Variants in SLURP2 observed in about 807,000 individuals in gnomAD.
SLURP2 encodes secreted Ly-6/uPAR domain-containing protein 2.
A neutral mutation model predicts 9.8 loss-of-function variants in SLURP2; 4 were observed. The observed-to-expected ratio is 0.41, with a 90% CI of 0.20 to 0.94. The LOEUF is 0.94. SLURP2 is among the 40% of genes least tolerant of loss of function. SLURP2 has a pLI of 0.32. For missense variants in SLURP2, 118 were observed against 126.4 expected (o/e 0.93, Z 0.32); for synonymous variants, 58 against 56.2 (o/e 1.03, Z -0.15).
At position 142,764,499 on chromosome 8, in the gene SLURP2, G is replaced by C. The variant is rs1454176097; in HGVS notation, c.*106C>G. 1.7e-6 allele frequency: 2 copies of C among 1,174,816 alleles called. No individual in the cohort carries two copies. Among genetic ancestry groups the C allele is most frequent in the Admixed American group, 4.3e-5 (2 of 46,622 alleles). The allele number at this position is 1,174,816 out of a possible 1,614,324, so 72.8% of individuals were successfully genotyped here. On this transcript the variant is annotated 3_prime_UTR_variant, in exon 3 of 3. Coordinates refer to ENST00000317543, the MANE Select transcript of SLURP2 (RefSeq NM_177458.3). ...GCTGGACGGTGGCTGCAGAGGCCGG[G>C]AGAGGTGGGCTGGCCAGTCTCGAGG...
intron 1 of SLURP2, among the ~76,000 whole-genome samples, chr8:142,767,179 G>A (rs1379177861): frequency 1.6e-4 from 24 of 152,224 alleles, no homozygotes; most frequent in Admixed American, 1.6e-3. Flanking sequence ...CCTCCATCGA[G>A]GCACCACGGA....
Position 142,764,738 on chromosome 8 carries a change from A to G in SLURP2, c.161T>C (p.Val54Ala). 3 of 1,612,868 alleles carry G rather than the reference A, an allele frequency of 1.9e-6. No homozygotes were observed. Among genetic ancestry groups the G allele is most frequent in the Non-Finnish European group, 2.5e-6 (3 of 1,179,630 alleles). ...STHCVTTATRVLSNTEDLPLV... is the reference protein window; with the variant it reads ...STHCVTTATRALSNTEDLPLV... Reference sequence around the variant, plus strand: ...AGGCAAATCCTCGGTGTTGCTGAGGACCCCTGAGTGGGCAGGAGAGAAACC... The same window carrying G: ...AGGCAAATCCTCGGTGTTGCTGAGGGCCCCTGAGTGGGCAGGAGAGAAACC... Residue 54 changes from valine to alanine, a missense_variant, in exon 3 of 3, where the codon GTC (valine) becomes GCC (alanine). Physicochemically the swap from Val to Ala is moderately conservative, Grantham distance 64. Transcript: ENST00000317543.
intron 1 of SLURP2, among the ~76,000 whole-genome samples, chr8:142,767,048 G>A (rs989791267): frequency 2.0e-5 from 3 of 152,226 alleles, no homozygotes; most frequent in African/African-American, 7.2e-5. Flanking sequence ...CTCCAAACCC[G>A]GGTTCCTGAC....
chr8:142,769,440 G>T (rs13276915), intron 1 of SLURP2, among the ~76,000 whole-genome samples: 10 of 149,644 alleles, frequency 6.7e-5, no homozygotes, highest in Admixed American at 4.6e-4. Flanking sequence ...GTGTGCACGT[G>T]CACGAAGGTG....
chr8:142,765,429 G>A (rs1814971378), intron 1 of SLURP2, among the ~76,000 whole-genome samples: 1 of 151,088 alleles, frequency 6.6e-6, no homozygotes. Context: ...TCCCAGGGCA[G>A]TGGTGGTGCA....
At position 142,768,517 on chromosome 8, in the gene SLURP2, AGAAG is replaced by A. The variant is rs1456099628; in HGVS notation, c.52+1234_52+1237del. On this transcript the variant is annotated intron_variant, in intron 1 of 2. Transcript: ENST00000317543. The surrounding 1 kb of genome is among the most constrained non-coding windows in gnomAD (Gnocchi z 4.8). Reference sequence around the variant, plus strand: ...CTCGAGGGGCAGGTGGGATTTCAGCAGAAGGAAGGGCTCCAGGAGCCCTGGTGCA... The same window carrying A: ...CTCGAGGGGCAGGTGGGATTTCAGCAGAAGGGCTCCAGGAGCCCTGGTGCA... 6.6e-6 allele frequency among the ~76,000 whole-genome samples: 1 copy of A among 152,082 alleles called. No homozygotes were observed. Among genetic ancestry groups the A allele is most frequent in the Non-Finnish European group, 1.5e-5 (1 of 67,988 alleles).
intron 2 of SLURP2, 111 bp downstream of exon 2, chr8:142,764,925 A>T: frequency 8.7e-7 from 1 of 1,144,662 alleles, no homozygotes; most frequent in Admixed American, 2.0e-5. Context: ...GACACTCCCC[A>T]CTATGCTTCT....
rs1057372510 is a variant in SLURP2, at chr8:142,768,865, G to A, written c.52+890C>T. ...CCTGAGCCAGCGCCAGGGACTCACC[G>A]ACGCTCCACCCCCTGCTCATTCAGG... On this transcript the variant is annotated intron_variant, in intron 1 of 2. Coordinates refer to ENST00000317543, the MANE Select transcript of SLURP2 (RefSeq NM_177458.3). This position sits in a 1 kb window ranked among gnomAD's most constrained non-coding sequence, Gnocchi z 4.8. 9.9e-5 allele frequency among the ~76,000 whole-genome samples: 15 copies of A among 152,114 alleles called. No homozygotes were observed. Among genetic ancestry groups the A allele is most frequent in the Admixed American group, 3.3e-4 (5 of 15,284 alleles).
At chr8:142,765,387 G>A (rs1814969357) in intron 1 of SLURP2, among the ~76,000 whole-genome samples, 1 of 152,166 alleles carries the variant, frequency 6.6e-6, no homozygotes, top group African/African-American at 2.4e-5. Context: ...GGGCAAGGGT[G>A]GGGCCGGGCA....
In SLURP2 at chr8:142,764,348, C is replaced by G; in HGVS notation, c.*257G>C. On this transcript the variant is annotated 3_prime_UTR_variant, in exon 3 of 3. Coordinates refer to ENST00000317543, the MANE Select transcript of SLURP2 (RefSeq NM_177458.3). ...CTCTCACTGCATAGCTTGTACCACA[C>G]GATCCAATCACATTTTATTGTGGGG... 1 of 619,292 alleles carries G rather than the reference C, an allele frequency of 1.6e-6. No homozygotes were observed. Among genetic ancestry groups the G allele is most frequent in the Non-Finnish European group, 2.9e-6 (1 of 346,462 alleles). 38.4% of individuals were successfully genotyped at this position (619,292 alleles called of 1,614,324 possible). A position where few individuals can be genotyped will look rare whatever the true frequency, so the allele number is the denominator to read the frequency against.
rs756501672 is a variant in SLURP2 at position 142,764,554 on chromosome 8, C to T, written c.*51G>A. 11 of 1,578,452 alleles carry T rather than the reference C, an allele frequency of 7.0e-6. No individual in the cohort carries two copies. The African/African-American group carries it at 1.1e-4, about 16-fold the overall frequency. ...GGCAGCTGTGAGCCCTGGCGCCAGG[C>T]TGTGGGGGCTGTGGGGGCTGAGCGT... On this transcript the variant is annotated 3_prime_UTR_variant, in exon 3 of 3. Transcript: ENST00000317543.
intron 1 of SLURP2, 148 bp from the exon 2 acceptor site, chr8:142,765,288 G>C: frequency 4.7e-6 from 3 of 644,562 alleles, no homozygotes; most frequent in South Asian, 3.8e-5. Flanking sequence ...AGCCCTCTCA[G>C]GAGCTGGGCC....
chr8:142,764,653 G>GGGGCCC lies in SLURP2; in HGVS notation c.240_245dup (p.Gly81_Pro82dup). The GGGGCCC allele has an allele frequency of 1.9e-6, 3 of 1,610,246 alleles. No individual in the cohort carries two copies. The highest frequency in any genetic ancestry group is 1.7e-6 in the Non-Finnish European group (2 of 1,178,862). On this transcript the variant is annotated inframe_insertion, in exon 3 of 3. Coordinates refer to ENST00000317543, the MANE Select transcript of SLURP2 (RefSeq NM_177458.3). ...TCTGGCAGCAAGCGATGGATACGTAGGGGCCCAGGCCCAGGCTGGGGATAT... is the reference window on the plus strand; with the variant it reads ...TCTGGCAGCAAGCGATGGATACGTAGGGGCCCGGGCCCAGGCCCAGGCTGGGGATAT...
At chr8:142,764,996 G>A (rs773831967) in intron 2 of SLURP2, 40 bp downstream of exon 2, 33 of 1,530,702 alleles carry the variant, frequency 2.2e-5, no homozygotes, top group Non-Finnish European at 2.9e-5. Context: ...TCCCACCTGG[G>A]CAAGAAGGAC....
Position 142,768,312 on chromosome 8 carries a change from G to T in SLURP2, c.52+1443C>A, listed in dbSNP as rs1192238037. ...GGGTGTAGCTGCATGGCTGGGGGCA[G>T]GTCTCTCCCACTGGGGACCCCCGTG... On this transcript the variant is annotated intron_variant, in intron 1 of 2. Transcript: ENST00000317543. This position sits in a 1 kb window ranked among gnomAD's most constrained non-coding sequence, Gnocchi z 4.8. Among the ~76,000 whole-genome samples the T allele has an allele frequency of 6.6e-6, 1 of 152,036 alleles. No homozygotes were observed. Among genetic ancestry groups the T allele is most frequent in the Non-Finnish European group, 1.5e-5 (1 of 67,988 alleles).
chr8:142,767,228 C>A (rs1815034242), intron 1 of SLURP2, among the ~76,000 whole-genome samples: 1 of 152,222 alleles, frequency 6.6e-6, no homozygotes, highest in African/African-American at 2.4e-5. Context: ...CAGGGCAGGC[C>A]CCTGCCATCA....
At position 142,764,409 on chromosome 8, in the gene SLURP2, C is replaced by CCCCA; in HGVS notation, c.*192_*195dup. On this transcript the variant is annotated 3_prime_UTR_variant, in exon 3 of 3. Coordinates refer to ENST00000317543, the MANE Select transcript of SLURP2 (RefSeq NM_177458.3). ...CTGAAGGGGCGGCAGGCACGATGGGCCCCAGGCTTGGACGGCAGCAGATTG... is the reference window on the plus strand; with the variant it reads ...CTGAAGGGGCGGCAGGCACGATGGGCCCCACCCAGGCTTGGACGGCAGCAGATTG... 1.4e-6 allele frequency: 1 copy of CCCCA among 694,422 alleles called. No homozygotes were observed. The highest frequency in any genetic ancestry group is 2.7e-5 in the East Asian group (1 of 36,918). The allele number at this position is 694,422 out of a possible 1,614,324, so 43.0% of individuals were successfully genotyped here.
At chr8:142,766,485 C>G (rs1815010529) in intron 1 of SLURP2, 1 of 152,264 alleles carries the variant, frequency 6.6e-6, no homozygotes, top group Admixed American at 6.5e-5. Context: ...ACCCAGGCAG[C>G]TGCAGGGAGC....
chr8:142,765,178 G>A, intron 1 of SLURP2, 38 bp from the exon 2 acceptor site: 2 of 1,543,018 alleles, frequency 1.3e-6, no homozygotes, highest in Non-Finnish European at 1.8e-6. Context: ...AAACGGATGG[G>A]AGGCAGGTGT....
Sources: gnomAD v4.1 joint callset for allele counts (sites outside exome capture counted in the v4.1 genomes callset) on GRCh38, gnomAD v4.1.1 for gene constraint, Gnocchi (gnomAD v3.1) non-coding constraint, MANE v1.5 for transcripts, NCBI Gene and HGNC (gene_info 2026-07-23, HGNC 2026-07-21) for gene names.